RBMS3: variants seen among roughly 807,000 people sequenced by gnomAD.
RBMS3 encodes the protein RNA-binding motif, single-stranded-interacting protein 3.
In RBMS3, 27 loss-of-function variants were observed where a neutral mutation model predicts 66.8. The observed-to-expected ratio is 0.40, with a 90% CI of 0.30 to 0.56. RBMS3 has a LOEUF of 0.56. Ranked by LOEUF, RBMS3 falls within the 20% of genes least tolerant of loss-of-function variation. The pLI is 0.40. For missense variants in RBMS3, 513 were observed against 549.5 expected (o/e 0.93, Z 0.66); for synonymous variants, 188 against 183.0 (o/e 1.03, Z -0.22).
rs1383127727 is a variant in RBMS3 at position 30,003,972 on chromosome 3, T to G, written c.*110T>G. ...ACGTCAATGGAATGCATTTTTTTGT[T>G]GTTGTTGTTGTTTTTTTTTTAGTGT... On this transcript the variant is annotated 3_prime_UTR_variant, in exon 15 of 15. Coordinates refer to ENST00000383767, the MANE Select transcript of RBMS3 (RefSeq NM_001003793.3). 5 of 980,702 alleles carry G rather than the reference T, an allele frequency of 5.1e-6. No homozygotes were observed. The highest frequency in any genetic ancestry group is 1.7e-5 in the African/African-American group (1 of 59,758). The allele number at this position is 980,702 out of a possible 1,614,324, so 60.8% of individuals were successfully genotyped here.
chr3:29,586,983 G>A, intron 3 of RBMS3, 131 bp from the exon 4 acceptor site: 2 of 607,110 alleles, frequency 3.3e-6, no homozygotes, highest in Non-Finnish European at 5.7e-6. Flanking sequence ...TAATCTAAGA[G>A]CCTAATGTTC....
intron 6 of RBMS3, among the ~76,000 whole-genome samples, chr3:29,857,253 G>A (rs910640219): frequency 6.6e-6 from 1 of 152,170 alleles, no homozygotes; most frequent in African/African-American, 2.4e-5. Flanking sequence ...CTTGACCTGA[G>A]TTGGAGTTCA....
chr3:29,831,904 A>C (rs1362622023), intron 6 of RBMS3, among the ~76,000 whole-genome samples: 3 of 152,080 alleles, frequency 2.0e-5, no homozygotes, highest in Non-Finnish European at 4.4e-5. Context: ...TTGATATAAT[A>C]AGATACAGTT....
chr3:29,449,815 C>T (rs572954710), intron 2 of RBMS3, among the ~76,000 whole-genome samples: 1 of 152,242 alleles, frequency 6.6e-6, no homozygotes, highest in South Asian at 2.1e-4. Flanking sequence ...TAATTTGGCC[C>T]ACACAGTTGT....
At chr3:29,990,146 G>A (rs12639551) in intron 13 of RBMS3, among the ~76,000 whole-genome samples, 1 of 151,942 alleles carries the variant, frequency 6.6e-6, no homozygotes, top group Non-Finnish European at 1.5e-5. Flanking sequence ...TATCTATAAA[G>A]GTGGGAGGTT....
Position 29,434,645 on chromosome 3 carries a change from G to A in RBMS3, c.76-98G>A. The A allele has an allele frequency of 4.7e-6, 7 of 1,486,744 alleles. No homozygotes were observed. The South Asian group carries it at 7.9e-5, about 17-fold the overall frequency. The allele number at this position is 1,486,744 out of a possible 1,614,324, so 92.1% of individuals were successfully genotyped here. ...TGTGTGTATGTACGTGTGTGTATTG[G>A]AGAAGACGCATAGCTTACATTGATT... On this transcript the variant is annotated intron_variant, in intron 1 of 14. Coordinates refer to ENST00000383767, the MANE Select transcript of RBMS3 (RefSeq NM_001003793.3).
chr3:29,429,500 A>T (rs1365830596), intron 1 of RBMS3, among the ~76,000 whole-genome samples: 2 of 152,128 alleles, frequency 1.3e-5, no homozygotes, highest in Non-Finnish European at 2.9e-5. Flanking sequence ...ATACTAACCA[A>T]GCATATGCAG....
chr3:29,315,120 T>C (rs967067992), intron 1 of RBMS3, among the ~76,000 whole-genome samples: 8 of 151,832 alleles, frequency 5.3e-5, no homozygotes, highest in African/African-American at 1.9e-4. Context: ...ATTGGCACCA[T>C]TGAAAAACAA....
intron 1 of RBMS3, among the ~76,000 whole-genome samples, chr3:29,406,569 AG>A (rs2040023508): frequency 6.6e-6 from 1 of 152,292 alleles, no homozygotes; most frequent in South Asian, 2.1e-4. Flanking sequence ...TGATTTGTTA[AG>A]TTCTACTCCT....
intron 1 of RBMS3, among the ~76,000 whole-genome samples, chr3:29,397,295 T>C (rs2039596452): frequency 1.3e-5 from 2 of 152,196 alleles, no homozygotes; most frequent in African/African-American, 4.8e-5. Flanking sequence ...CCTCATAATA[T>C]AGCATGGTTT....
chr3:29,747,136 A>G (rs1378482391), intron 5 of RBMS3, among the ~76,000 whole-genome samples: 1 of 152,224 alleles, frequency 6.6e-6, no homozygotes, highest in African/African-American at 2.4e-5. Flanking sequence ...AGAGGTGGAA[A>G]TATAGCCCAA....
intron 6 of RBMS3, among the ~76,000 whole-genome samples, chr3:29,784,854 A>G (rs2056766175): frequency 6.6e-6 from 1 of 152,130 alleles, no homozygotes; most frequent in Non-Finnish European, 1.5e-5. Context: ...GGGAGATATT[A>G]CAACTGATAC....
intron 6 of RBMS3, among the ~76,000 whole-genome samples, chr3:29,794,741 G>C (rs1382163295): frequency 2.0e-5 from 3 of 152,136 alleles, no homozygotes; most frequent in African/African-American, 4.8e-5. Flanking sequence ...AGAGATCTTT[G>C]ACTGCCTTGA....
At chr3:29,306,705 C>G (rs2034035779) in intron 1 of RBMS3, among the ~76,000 whole-genome samples, 2 of 151,822 alleles carry the variant, frequency 1.3e-5, no homozygotes, top group African/African-American at 4.8e-5. Flanking sequence ...TGTAGAGTGT[C>G]CCTATAGAAG....
chr3:29,822,027 AT>A (rs2058088269), intron 6 of RBMS3, among the ~76,000 whole-genome samples: 1 of 152,196 alleles, frequency 6.6e-6, no homozygotes, highest in African/African-American at 2.4e-5. Flanking sequence ...TAATTGGGTC[AT>A]TACTTCAAAC....
chr3:29,755,230 A>G (rs1369780255), intron 5 of RBMS3, among the ~76,000 whole-genome samples: 1 of 152,194 alleles, frequency 6.6e-6, no homozygotes, highest in Non-Finnish European at 1.5e-5. Flanking sequence ...AAAAAAATAT[A>G]CTTAGATAAT....
intron 4 of RBMS3, among the ~76,000 whole-genome samples, chr3:29,697,729 T>A (rs146112534): frequency 1.5e-3 from 224 of 152,322 alleles, no homozygotes; most frequent in Non-Finnish European, 2.5e-3. Flanking sequence ...TGAAGGTAAT[T>A]TTATACACTA....
chr3:29,928,180 T>TTATGTATATA lies in RBMS3; in HGVS notation c.940-7903_940-7902insGTATATATAT, dbSNP rs59335121. Among the ~76,000 whole-genome samples the TTATGTATATA allele has an allele frequency of 4.1e-4, 42 of 102,554 alleles. 1 individual carries two copies. In the East Asian group the frequency reaches 5.9e-3, roughly 14 times the overall value. 67.3% of individuals were successfully genotyped at this position (102,554 alleles called of 152,430 possible). Reference sequence around the variant, plus strand: ...AAACTGGTCTGCTCCTCTTCAAATTTTATATATATATATATATATATATAT... The same window carrying TTATGTATATA: ...AAACTGGTCTGCTCCTCTTCAAATTTTATGTATATATATATATATATATATATATATATAT... On this transcript the variant is annotated intron_variant, in intron 10 of 14. Transcript: ENST00000383767.
chr3:29,457,394 A>G (rs1394776898), intron 2 of RBMS3, among the ~76,000 whole-genome samples: 1 of 152,156 alleles, frequency 6.6e-6, no homozygotes, highest in Non-Finnish European at 1.5e-5. Flanking sequence ...GTTGTCAACC[A>G]TATAATTTTA....
Sources: gnomAD v4.1 joint callset for allele counts (sites outside exome capture counted in the v4.1 genomes callset) on GRCh38, gnomAD v4.1.1 for gene constraint, MANE v1.5 for transcripts, NCBI Gene and HGNC (gene_info 2026-07-23, HGNC 2026-07-21) for gene names.